The following GGA2 variants were observed in gnomAD, a reference collection of about 807,000 sequenced individuals.
GGA2 encodes golgi associated, gamma adaptin ear containing, ARF binding protein 2.
GGA2 carries 48 observed loss-of-function variants against 79.5 expected under a neutral mutation model. The observed-to-expected ratio is 0.60, with a 90% CI of 0.48 to 0.77. The LOEUF is 0.77. Among genes scored for constraint, GGA2 ranks in the 30% least tolerant of loss-of-function variants. The pLI is 0.00. For synonymous variants in GGA2, 317 were observed against 302.0 expected (o/e 1.05, Z -0.51); for missense variants, 770 against 774.0 (o/e 0.99, Z 0.06).
intron 1 of GGA2, among the ~76,000 whole-genome samples, chr16:23,497,426 A>ACTGCAGTCCACAGCACAGTCCG (rs1197134448): frequency 5.3e-5 from 8 of 152,070 alleles, no homozygotes; most frequent in Non-Finnish European, 1.5e-5. Flanking sequence ...GTCCGAGTTG[A>ACTGCAGTCCACAGCACAGTCCG]ATTTTTCCTG....
chr16:23,486,843 G>A lies in GGA2; in HGVS notation c.580-53C>T, dbSNP rs570811614. ...TGAGACCACAACTCCCTCAGGCCTA[G>A]AGCAGAAGCAGCAGCAACAGAAGAG... On this transcript the variant is annotated intron_variant, in intron 6 of 16. Coordinates refer to ENST00000309859, the MANE Select transcript of GGA2 (RefSeq NM_015044.4). The A allele has an allele frequency of 9.9e-6, 10 of 1,013,402 alleles. No homozygotes were observed. In the East Asian group the frequency reaches 1.4e-4, roughly 14 times the overall value. 62.8% of individuals were successfully genotyped at this position (1,013,402 alleles called of 1,614,324 possible). A position where few individuals can be genotyped will look rare whatever the true frequency, so the allele number is the denominator to read the frequency against.
chr16:23,511,051 T>TGTGTGTGTGTGTG (rs1965051492), upstream of GGA2, among the ~76,000 whole-genome samples: 1 of 76,172 alleles, frequency 1.3e-5, no homozygotes, highest in Non-Finnish European at 2.8e-5. Context: ...GTGTGTGTGT[T>TGTGTGTGTGTGTG]AGAGACTGGG....
At chr16:23,484,782 C>T (rs961764923) in intron 8 of GGA2, among the ~76,000 whole-genome samples, 4 of 152,164 alleles carry the variant, frequency 2.6e-5, no homozygotes, top group Admixed American at 2.6e-4. Flanking sequence ...AATGGCATGG[C>T]CACTTTGGAA....
At chr16:23,481,879 T>G (rs1964653317) in intron 9 of GGA2, among the ~76,000 whole-genome samples, 1 of 152,114 alleles carries the variant, frequency 6.6e-6, no homozygotes, top group African/African-American at 2.4e-5. Flanking sequence ...TATGTCTGAT[T>G]TAGAACAATT....
intron 16 of GGA2, 152 bp downstream of exon 16, chr16:23,468,734 A>T (rs979209435): frequency 4.7e-5 from 25 of 526,380 alleles, no homozygotes; most frequent in Non-Finnish European, 8.4e-5. Flanking sequence ...TCAGCCTCCC[A>T]AAGTGCTGGG....
In GGA2 at chr16:23,482,988, C is replaced by T. The variant is rs756316108; in HGVS notation, c.815G>A (p.Cys272Tyr). Residue 272 changes from cysteine to tyrosine, a missense_variant, in exon 9 of 17, where the codon TGT becomes TAT. Coordinates refer to ENST00000309859, the MANE Select transcript of GGA2 (RefSeq NM_015044.4). Reference sequence around the variant, plus strand: ...GAACAGCGTGGGCCGCAGCTTTTCACACCTCTCATACACGACCTGAAAGAG... The same window carrying T: ...GAACAGCGTGGGCCGCAGCTTTTCATACCTCTCATACACGACCTGAAAGAG... ...QEALQVVYERCEKLRPTLFRL... is the reference protein window; with the variant it reads ...QEALQVVYERYEKLRPTLFRL... 3 of 1,611,018 alleles carry T rather than the reference C, an allele frequency of 1.9e-6. No individual in the cohort carries two copies. The highest frequency in any genetic ancestry group is 1.7e-5 in the Admixed American group (1 of 60,004).
Position 23,474,924 on chromosome 16 carries a change from G to A in GGA2, c.1430C>T (p.Pro477Leu), listed in dbSNP as rs1964558057. Residue 477 changes from proline to leucine, a missense_variant, in exon 14 of 17, where the codon CCT (proline) becomes CTT (leucine). Physicochemically the swap from Pro to Leu is moderately conservative, Grantham distance 98. Transcript: ENST00000309859. ...CTTACTGGGCTTAACAGACTCCAAAGGGACAAACACTTGAGCCAGAGGTGT... is the reference window on the plus strand; with the variant it reads ...CTTACTGGGCTTAACAGACTCCAAAAGGACAAACACTTGAGCCAGAGGTGT... The part of the protein sequence containing the change: ...QNTPLAQVFV[P>L]LESVKPSSLP... The A allele has an allele frequency of 2.5e-6, 4 of 1,612,910 alleles. No individual in the cohort carries two copies. The South Asian group carries it at 3.3e-5, about 13-fold the overall frequency.
chr16:23,474,846 G>T, intron 14 of GGA2, 58 bp downstream of exon 14: 1 of 1,271,576 alleles, frequency 7.9e-7, no homozygotes, highest in South Asian at 1.2e-5. Context: ...AAAAAGCTGG[G>T]AGTCTAATAG....
In GGA2 at chr16:23,467,422, A is replaced by ACACACACACACACACACAC; in HGVS notation, c.*167_*168insGTGTGTGTGTGTGTGTGTG. ...CACACACACACACACACACACACACACACACACACACAGAGCATCTGCAGA... is the reference window on the plus strand; with the variant it reads ...CACACACACACACACACACACACACACACACACACACACACACACCACACACACACAGAGCATCTGCAGA... On this transcript the variant is annotated 3_prime_UTR_variant, in exon 17 of 17. Coordinates refer to ENST00000309859, the MANE Select transcript of GGA2 (RefSeq NM_015044.4). 2 of 610,872 alleles carry ACACACACACACACACACAC rather than the reference A, an allele frequency of 3.3e-6. No individual in the cohort carries two copies. Among genetic ancestry groups the ACACACACACACACACACAC allele is most frequent in the Non-Finnish European group, 3.0e-6 (1 of 337,190 alleles). 37.8% of individuals were successfully genotyped at this position (610,872 alleles called of 1,614,324 possible).
At chr16:23,519,176 G>A (rs1329809996) in intron 2 of GGA2, among the ~76,000 whole-genome samples, 2 of 151,762 alleles carry the variant, frequency 1.3e-5, no homozygotes, top group African/African-American at 4.8e-5. Flanking sequence ...GCCAGTAGCT[G>A]GGATTACAGG....
intron 2 of GGA2, among the ~76,000 whole-genome samples, chr16:23,517,568 T>C (rs1965109492): frequency 6.6e-6 from 1 of 151,944 alleles, no homozygotes; most frequent in Non-Finnish European, 1.5e-5. Context: ...TTTTATTATT[T>C]GGATCTCACA....
chr16:23,486,255 G>C, intron 7 of GGA2, 103 bp from the exon 8 acceptor site: 2 of 995,586 alleles, frequency 2.0e-6, no homozygotes, highest in Non-Finnish European at 3.1e-6. Flanking sequence ...TCGCTCAGGG[G>C]CATCACCAGG....
In GGA2 at chr16:23,479,847, CA is replaced by C. The variant is rs769588065; in HGVS notation, c.1046del (p.Leu349ArgfsTer83). ...GTCCATTGTCCACCTCCAAGTCAATCAGGGGGCAGGTCTTCATGCAGCCTGC... is the reference window on the plus strand; with the variant it reads ...GTCCATTGTCCACCTCCAAGTCAATCGGGGGCAGGTCTTCATGCAGCCTGC... The part of the protein sequence containing the change: ...NPAGCMKTCP[L>X]IDLEVDNGPA... On this transcript the variant is annotated frameshift_variant, in exon 11 of 17. Coordinates refer to ENST00000309859, the MANE Select transcript of GGA2 (RefSeq NM_015044.4). LOFTEE classifies it high-confidence loss of function. The C allele has an allele frequency of 4.3e-6, 7 of 1,614,136 alleles. No individual in the cohort carries two copies. The highest frequency in any genetic ancestry group is 1.7e-5 in the Admixed American group (1 of 60,020).
At chr16:23,498,280 C>CAA (rs1010012690) in intron 1 of GGA2, among the ~76,000 whole-genome samples, 3 of 115,768 alleles carry the variant, frequency 2.6e-5, no homozygotes, top group Non-Finnish European at 1.8e-5. Context: ...ACTCTGTCTC[C>CAA]AAAAAAAAAA....
chr16:23,510,254 G>A (rs1354276090), intron 1 of GGA2, 67 bp downstream of exon 1: 4 of 1,066,942 alleles, frequency 3.7e-6, no homozygotes. Flanking sequence ...GCAAGGCCCC[G>A]GGAGGCGGGA....
At chr16:23,493,305 T>C in intron 4 of GGA2, 55 bp downstream of exon 4, 1 of 1,047,814 alleles carries the variant, frequency 9.5e-7, no homozygotes. Flanking sequence ...GAGCCAGGAG[T>C]TTGACAGTGG....
chr16:23,518,463 T>G (rs1450870720), intron 2 of GGA2, among the ~76,000 whole-genome samples: 1 of 152,178 alleles, frequency 6.6e-6, no homozygotes, highest in Non-Finnish European at 1.5e-5. Context: ...TCCTCCCCCA[T>G]TGGCCTCCCA....
intron 8 of GGA2, 54 bp from the exon 9 acceptor site, chr16:23,483,058 CCCT>C: frequency 9.0e-7 from 1 of 1,116,244 alleles, no homozygotes; most frequent in Non-Finnish European, 1.4e-6. Context: ...CATAACGCCC[CCCT>C]CCAGGGCCCC....
At chr16:23,495,446 T>C (rs1964843044) in intron 2 of GGA2, 2 of 311,858 alleles carry the variant, frequency 6.4e-6, no homozygotes, top group Non-Finnish European at 1.2e-5. Flanking sequence ...AATGAGAGAA[T>C]GAATGCCAGC....
Sources: gnomAD v4.1 joint callset for allele counts (sites outside exome capture counted in the v4.1 genomes callset) on GRCh38, gnomAD v4.1.1 for gene constraint, MANE v1.5 for transcripts, NCBI Gene and HGNC (gene_info 2026-07-23, HGNC 2026-07-21) for gene names.